The following IQCM variants were observed in gnomAD, a reference collection of about 807,000 sequenced individuals.
The protein encoded by IQCM is IQ domain-containing protein M.
Under a neutral mutation model 57.6 loss-of-function variants are expected in IQCM, and 45 were observed. The ratio of observed to expected loss-of-function variants is 0.78; its 90% confidence interval spans 0.62 to 1.00. The LOEUF (loss-of-function observed/expected upper bound fraction) is 1.00. Among genes scored for constraint, IQCM ranks in the 50% least tolerant of loss-of-function variants. IQCM has a pLI of 0.00. For synonymous variants in IQCM, 148 were observed against 158.9 expected, an observed-to-expected ratio of 0.93 and a Z score of 0.51; for missense variants, 468 against 511.6, an observed-to-expected ratio of 0.91 and a Z score of 0.82.
At chr4:149,758,305 C>T (rs955584311) in intron 2 of IQCM, among the ~76,000 whole-genome samples, 12 of 152,042 alleles carry the variant, frequency 7.9e-5, no homozygotes, top group African/African-American at 2.9e-4. Flanking sequence ...AAACACAAAC[C>T]TTACACTCTT....
chr4:149,618,223 A>C (rs922391865), intron 8 of IQCM, among the ~76,000 whole-genome samples: 1 of 152,206 alleles, frequency 6.6e-6, no homozygotes, highest in Non-Finnish European at 1.5e-5. Flanking sequence ...GTGATCTTTG[A>C]CAAAGGCAAT....
Position 149,708,877 on chromosome 4 carries a change from C to T in IQCM, c.386-22409G>A, listed in dbSNP as rs1764352374. Among the ~76,000 whole-genome samples, 4 of 152,002 alleles carry T rather than the reference C, an allele frequency of 2.6e-5. No homozygotes were observed. In the South Asian group the frequency reaches 8.3e-4, roughly 31 times the overall value. On this transcript the variant is annotated intron_variant, in intron 5 of 13. Transcript: ENST00000636793. Reference sequence around the variant, plus strand: ...TCTTTTTATTGTTTATCTACATAAACTTGCCAATGGTATTAACAACCAGAC... The same window carrying T: ...TCTTTTTATTGTTTATCTACATAAATTTGCCAATGGTATTAACAACCAGAC...
intron 12 of IQCM, among the ~76,000 whole-genome samples, chr4:149,545,611 T>C (rs1250195942): frequency 6.6e-6 from 1 of 152,136 alleles, no homozygotes; most frequent in Non-Finnish European, 1.5e-5. Flanking sequence ...GGTACACCCA[T>C]TATGTAAAAT....
At chr4:149,648,346 T>C (rs1221642157) in intron 7 of IQCM, among the ~76,000 whole-genome samples, 2 of 152,190 alleles carry the variant, frequency 1.3e-5, no homozygotes, top group Non-Finnish European at 2.9e-5. Flanking sequence ...GTTTCCAGCT[T>C]CATCCATGTC....
At chr4:149,643,315 C>A (rs1758363987) in intron 7 of IQCM, among the ~76,000 whole-genome samples, 2 of 152,130 alleles carry the variant, frequency 1.3e-5, no homozygotes, top group South Asian at 4.1e-4. Flanking sequence ...AAGCCCCAGG[C>A]TTTAAAAAGT....
chr4:149,532,874 T>A (rs1746896541), intron 12 of IQCM, among the ~76,000 whole-genome samples: 1 of 151,956 alleles, frequency 6.6e-6, no homozygotes, highest in African/African-American at 2.4e-5. Context: ...TGTAATATAA[T>A]CTCAAGTAGT....
At position 149,442,003 on chromosome 4, in the gene IQCM, A is replaced by G. The variant is rs928005395; in HGVS notation, c.1229-8446T>C. On this transcript the variant is annotated intron_variant, in intron 12 of 13. Coordinates refer to ENST00000636793, the MANE Select transcript of IQCM (RefSeq NM_001363507.2). ...CTTGTTGCTAGCACCTTGATCTTGG[A>G]CTTTCCAGCCTCCATAATTGTGAGA... 2.0e-5 allele frequency among the ~76,000 whole-genome samples: 3 copies of G among 152,110 alleles called. No individual in the cohort carries two copies. In the South Asian group the frequency reaches 6.2e-4, roughly 32 times the overall value.
chr4:149,724,470 T>TTC (rs1322933831), intron 5 of IQCM, among the ~76,000 whole-genome samples: 1 of 151,428 alleles, frequency 6.6e-6, no homozygotes, highest in East Asian at 1.9e-4. Context: ...CACTCTCTCT[T>TTC]TCTCTCTCTC....
At chr4:149,631,676 A>T (rs976025428) in intron 7 of IQCM, among the ~76,000 whole-genome samples, 1 of 152,172 alleles carries the variant, frequency 6.6e-6, no homozygotes, top group East Asian at 1.9e-4. Context: ...GGTTTGATCA[A>T]TTTTTTTTCT....
intron 2 of IQCM, among the ~76,000 whole-genome samples, chr4:149,771,719 C>A (rs1414172527): frequency 6.6e-6 from 1 of 151,986 alleles, no homozygotes; most frequent in Non-Finnish European, 1.5e-5. Context: ...TTCTAACACT[C>A]CATGTGTCTT....
intron 7 of IQCM, among the ~76,000 whole-genome samples, chr4:149,677,299 A>C (rs1004138334): frequency 2.0e-5 from 3 of 152,132 alleles, no homozygotes; most frequent in African/African-American, 7.2e-5. Flanking sequence ...ACTTGGCCAA[A>C]GGCCAAATAA....
chr4:149,790,544 A>G (rs1772502154), intron 2 of IQCM, among the ~76,000 whole-genome samples: 1 of 152,192 alleles, frequency 6.6e-6, no homozygotes, highest in African/African-American at 2.4e-5. Flanking sequence ...TTTGTAAGTT[A>G]TCATTACAAT....
chr4:149,503,338 T>C (rs532166474), intron 12 of IQCM, among the ~76,000 whole-genome samples: 19 of 152,124 alleles, frequency 1.2e-4, no homozygotes, highest in Non-Finnish European at 2.2e-4. Flanking sequence ...CTGAGAAAAT[T>C]AGTGCAGAAA....
At chr4:149,565,977 T>A (rs1750594047) in intron 9 of IQCM, among the ~76,000 whole-genome samples, 1 of 152,166 alleles carries the variant, frequency 6.6e-6, no homozygotes, top group Admixed American at 6.6e-5. Flanking sequence ...GGGATAGATG[T>A]CTTATTAAAC....
chr4:149,696,945 G>A (rs886534855), intron 5 of IQCM, among the ~76,000 whole-genome samples: 1 of 152,154 alleles, frequency 6.6e-6, no homozygotes, highest in African/African-American at 2.4e-5. Flanking sequence ...AGGAGGAAAG[G>A]AAAGGTGGAA....
chr4:149,813,340 C>A (rs752398078), intron 2 of IQCM, among the ~76,000 whole-genome samples: 1 of 151,658 alleles, frequency 6.6e-6, no homozygotes, highest in Non-Finnish European at 1.5e-5. Flanking sequence ...TCTAATGCAT[C>A]TTTTTTTTAA....
intron 7 of IQCM, among the ~76,000 whole-genome samples, chr4:149,652,550 A>G (rs1241615898): frequency 6.6e-6 from 1 of 152,158 alleles, no homozygotes; most frequent in African/African-American, 2.4e-5. Flanking sequence ...ACAAACCAAC[A>G]AAAAGGATAT....
At chr4:149,508,252 A>G (rs1206021866) in intron 12 of IQCM, among the ~76,000 whole-genome samples, 1 of 152,016 alleles carries the variant, frequency 6.6e-6, no homozygotes, top group Non-Finnish European at 1.5e-5. Context: ...CACCACCTAG[A>G]GAAGCTGAGA....
chr4:149,595,258 T>C (rs1380224934), intron 8 of IQCM, among the ~76,000 whole-genome samples: 1 of 152,208 alleles, frequency 6.6e-6, no homozygotes, highest in Non-Finnish European at 1.5e-5. Context: ...GTCTGTTTTA[T>C]CAGAGACTAG....
Sources: gnomAD v4.1 joint callset for allele counts (sites outside exome capture counted in the v4.1 genomes callset) on GRCh38, gnomAD v4.1.1 for gene constraint, MANE v1.5 for transcripts, NCBI Gene and HGNC (gene_info 2026-07-23, HGNC 2026-07-21) for gene names.